The following SLC25A48 variants were observed in gnomAD, a reference collection of about 807,000 sequenced individuals.
SLC25A48 encodes the protein solute carrier family 25 member 48.
SLC25A48 carries 29 observed loss-of-function variants against 32.2 expected under a neutral mutation model. The ratio of observed to expected loss-of-function variants is 0.90; its 90% CI spans 0.67 to 1.23. SLC25A48 has a LOEUF of 1.23. Among genes scored for constraint, SLC25A48 ranks in the 50% most tolerant of loss-of-function variants. SLC25A48 has a pLI of 0.00. For synonymous variants in SLC25A48, 164 were observed against 172.3 expected (o/e 0.95, Z 0.38); for missense variants, 399 against 422.7 (o/e 0.94, Z 0.49).
At chr5:135,843,454 G>A (rs1759165045) in intron 2 of SLC25A48, among the ~76,000 whole-genome samples, 1 of 152,200 alleles carries the variant, frequency 6.6e-6, no homozygotes, top group South Asian at 2.1e-4. Context: ...GAGGGAGGCA[G>A]GCAAGGAGAC....
At position 135,687,129 on chromosome 5, in the gene SLC25A48, C is replaced by T. The variant is rs974758667; in HGVS notation, c.-521+52173C>T. The stretch of plus-strand genomic sequence containing the variant: ...GCTCTTCTGTGTCTTGATGTCTTCA[C>T]TCTGAGTGGGAACCAGGGAGACTGA... On this transcript the variant is annotated intron_variant, in intron 3 of 10. Transcript: ENST00000646290. 1.4e-4 allele frequency among the ~76,000 whole-genome samples: 21 copies of T among 152,146 alleles called. No individual in the cohort carries two copies. In the East Asian group the frequency reaches 1.7e-3, roughly 13 times the overall value.
chr5:135,881,004 C>T (rs377395767), intron 7 of SLC25A48, among the ~76,000 whole-genome samples: 22 of 152,130 alleles, frequency 1.4e-4, no homozygotes, highest in African/African-American at 3.1e-4. Flanking sequence ...GGGGCTGCTG[C>T]GCTGTCCCTA....
At chr5:135,735,058 G>T (rs1184481354) in intron 3 of SLC25A48, among the ~76,000 whole-genome samples, 2 of 152,166 alleles carry the variant, frequency 1.3e-5, no homozygotes, top group East Asian at 1.9e-4. Context: ...GTGGGGTCCC[G>T]CACAGATGGG....
At chr5:135,786,160 C>T (rs892472960) in intron 3 of SLC25A48, among the ~76,000 whole-genome samples, 8 of 151,228 alleles carry the variant, frequency 5.3e-5, no homozygotes, top group African/African-American at 1.9e-4. Context: ...GGATCATATC[C>T]AAGTGGGGAG....
At chr5:135,799,614 C>A (rs964168660) in intron 3 of SLC25A48, among the ~76,000 whole-genome samples, 10 of 151,516 alleles carry the variant, frequency 6.6e-5, no homozygotes, top group African/African-American at 2.4e-4. Context: ...ATTGCAGGGG[C>A]TGGTCACCCA....
intron 3 of SLC25A48, among the ~76,000 whole-genome samples, chr5:135,790,244 A>G (rs1561494431): frequency 6.6e-6 from 1 of 151,686 alleles, no homozygotes; most frequent in Non-Finnish European, 1.5e-5. Context: ...CCATGTGTGT[A>G]CACCCTGTGG....
intron 4 of SLC25A48, chr5:135,827,394 G>A (rs150298775): frequency 1.2e-4 from 18 of 152,142 alleles, no homozygotes; most frequent in African/African-American, 4.1e-4. Flanking sequence ...GAAATCAATC[G>A]GTCACACTAG....
chr5:135,794,214 T>C (rs887371626), intron 3 of SLC25A48, among the ~76,000 whole-genome samples: 1 of 151,488 alleles, frequency 6.6e-6, no homozygotes, highest in African/African-American at 2.4e-5. Context: ...TGTACACCCC[T>C]TCTGTGATAT....
chr5:135,886,617 AT>A (rs1265858135), intron 7 of SLC25A48, among the ~76,000 whole-genome samples: 1,334 of 28,322 alleles, frequency 0.047, 117 homozygotes, highest in African/African-American at 0.13. Flanking sequence ...ATATATATAT[AT>A]ATATATATAT....
intron 1 of SLC25A48, among the ~76,000 whole-genome samples, chr5:135,840,192 T>C (rs1268698192): frequency 2.6e-5 from 4 of 152,206 alleles, no homozygotes; most frequent in African/African-American, 9.7e-5. Flanking sequence ...AAAAATTCTA[T>C]GGTGACATCA....
chr5:135,811,824 A>G (rs1048425897), intron 3 of SLC25A48, among the ~76,000 whole-genome samples: 3 of 152,178 alleles, frequency 2.0e-5, no homozygotes, highest in East Asian at 1.9e-4. Context: ...GCTCATGCCT[A>G]TAAGCTCAGC....
intron 3 of SLC25A48, among the ~76,000 whole-genome samples, chr5:135,745,502 G>A (rs1755617823): frequency 6.6e-6 from 1 of 152,134 alleles, no homozygotes; most frequent in African/African-American, 2.4e-5. Context: ...CAGATGTGGG[G>A]GGCCTGTTCC....
intron 5 of SLC25A48, chr5:135,872,373 C>T (rs144667346): frequency 6.5e-6 from 1 of 152,944 alleles, no homozygotes; most frequent in African/African-American, 2.4e-5. Flanking sequence ...TACTCCTCTC[C>T]CCTTCCTCAC....
At chr5:135,766,748 T>A (rs1756242669) in intron 3 of SLC25A48, among the ~76,000 whole-genome samples, 1 of 151,662 alleles carries the variant, frequency 6.6e-6, no homozygotes, top group South Asian at 2.1e-4. Flanking sequence ...CCCAGGAGTG[T>A]ATACACCCCT....
chr5:135,686,227 G>A (rs1037868959), intron 3 of SLC25A48, among the ~76,000 whole-genome samples: 1 of 152,128 alleles, frequency 6.6e-6, no homozygotes, highest in Admixed American at 6.5e-5. Flanking sequence ...TGTTTCTGTG[G>A]GTTGTAGAGA....
intron 3 of SLC25A48, among the ~76,000 whole-genome samples, chr5:135,733,274 A>G (rs1380754152): frequency 6.6e-6 from 1 of 152,218 alleles, no homozygotes; most frequent in Non-Finnish European, 1.5e-5. Context: ...GCTGCCATCA[A>G]TAAACCAAAT....
intron 3 of SLC25A48, among the ~76,000 whole-genome samples, chr5:135,711,939 C>A (rs904963915): frequency 6.6e-6 from 1 of 151,944 alleles, no homozygotes; most frequent in Non-Finnish European, 1.5e-5. Context: ...TAGTGTCCCC[C>A]TCCCACCCAG....
chr5:135,795,869 G>A (rs572524998), intron 3 of SLC25A48, among the ~76,000 whole-genome samples: 205 of 145,648 alleles, frequency 1.4e-3, no homozygotes, highest in African/African-American at 5.1e-3. Context: ...GTACATCCCC[G>A]ATGATATGGT....
At chr5:135,878,258 C>T (rs772420017) in intron 6 of SLC25A48, among the ~76,000 whole-genome samples, 86 of 152,188 alleles carry the variant, frequency 5.7e-4, no homozygotes, top group Non-Finnish European at 1.1e-3. Flanking sequence ...ACAGAAGGCT[C>T]ACACTCCAAG....
Sources: gnomAD v4.1 joint callset for allele counts (sites outside exome capture counted in the v4.1 genomes callset) on GRCh38, gnomAD v4.1.1 for gene constraint, MANE v1.5 for transcripts, NCBI Gene and HGNC (gene_info 2026-07-23, HGNC 2026-07-21) for gene names.